The following ADGRF5 variants were observed in gnomAD, a reference collection of about 807,000 sequenced individuals.
ADGRF5 encodes adhesion G protein-coupled receptor F5, also known as G-protein coupled receptor 116.
ADGRF5 carries 75 observed loss-of-function variants against 132.3 expected under a neutral mutation model. The observed-to-expected ratio is 0.57, with a 90% CI of 0.47 to 0.69. The LOEUF is 0.69. Among genes scored for constraint, ADGRF5 ranks in the 30% least tolerant of loss-of-function variants. The probability of loss-of-function intolerance (pLI) is 0.00; values close to 1 mark genes in which losing one functional copy is unlikely to be tolerated. For missense variants in ADGRF5, 1,516 were observed against 1,630.6 expected, an observed-to-expected ratio of 0.93 and a Z score of 1.21; for synonymous variants, 629 against 597.6, an observed-to-expected ratio of 1.05 and a Z score of -0.77.
intron 1 of ADGRF5, among the ~76,000 whole-genome samples, chr6:46,936,528 C>T (rs375114262): frequency 3.7e-4 from 57 of 152,306 alleles, no homozygotes; most frequent in Middle Eastern, 3.4e-3. Context: ...TTTAATCTTT[C>T]GACATCTCTC....
rs116050578 is a variant in ADGRF5 at position 46,934,727 on chromosome 6, C to A, written c.-25+20007G>T. Among the ~76,000 whole-genome samples the A allele has an allele frequency of 3.8e-3, 579 of 152,230 alleles. 2 individuals carry two copies. Among genetic ancestry groups the A allele is most frequent in the African/African-American group, 0.013 (552 of 41,544 alleles). On this transcript the variant is annotated intron_variant, in intron 1 of 20. Transcript: ENST00000265417. ...TTCAGGCAAACTCAACAGTCCCAAA[C>A]CCTTAGAAACTTACTCTTGGAACAA...
At chr6:46,863,338 TC>T (rs771124166) in intron 14 of ADGRF5, 6 of 583,848 alleles carry the variant, frequency 1.0e-5, no homozygotes, top group South Asian at 3.1e-5. Flanking sequence ...TTTTATACCT[TC>T]ATCTGGAGAT....
At chr6:46,889,773 T>C (rs950312527) in intron 3 of ADGRF5, among the ~76,000 whole-genome samples, 13 of 90,608 alleles carry the variant, frequency 1.4e-4, no homozygotes, top group Non-Finnish European at 3.0e-4. Flanking sequence ...ATATATTATG[T>C]GTGTGTGTAT....
In ADGRF5 at chr6:46,884,122, T is replaced by A. The variant is rs770206424; in HGVS notation, c.478A>T (p.Asn160Tyr). Reference protein sequence around the residue: ...HCSCLKELPPNGPFCLLQEDV... With the variant: ...HCSCLKELPPYGPFCLLQEDV... ...TCCTGAAGCAGGCAAAAAGGTCCAT[T>A]GGGAGGCAGTTCTTTAAGGCAACTG... Residue 160 changes from asparagine (N) to tyrosine (Y), a missense_variant, in exon 5 of 21, where the codon AAT becomes TAT. Asn to Tyr is a moderately radical substitution (Grantham distance 143). Transcript: ENST00000283296. The A allele has an allele frequency of 6.2e-7, 1 of 1,614,038 alleles. No homozygotes were observed. The highest frequency in any genetic ancestry group is 8.5e-7 in the Non-Finnish European group (1 of 1,179,938).
In ADGRF5 at chr6:46,871,831, G is replaced by A. The variant is rs1192795635; in HGVS notation, c.1411+12C>T. Reference sequence around the variant, plus strand: ...CCTATTTATGGCTAAAAATGCTAGGGAGAGTCCTTACCCACAGAGATGAAT... The same window carrying A: ...CCTATTTATGGCTAAAAATGCTAGGAAGAGTCCTTACCCACAGAGATGAAT... On this transcript the variant is annotated intron_variant, in intron 11 of 20. Coordinates refer to ENST00000283296, the MANE Select transcript of ADGRF5 (RefSeq NM_001098518.2). 2 of 1,568,978 alleles carry A rather than the reference G, an allele frequency of 1.3e-6. No homozygotes were observed. The highest frequency in any genetic ancestry group is 1.7e-5 in the Admixed American group (1 of 58,590).
At chr6:46,892,088 G>A (rs1344232360) in intron 3 of ADGRF5, among the ~76,000 whole-genome samples, 5 of 150,312 alleles carry the variant, frequency 3.3e-5, no homozygotes, top group Non-Finnish European at 7.4e-5. Context: ...GCTTACTCTC[G>A]GAAATCATCT....
At chr6:46,895,296 A>T (rs1407731553) in intron 3 of ADGRF5, among the ~76,000 whole-genome samples, 1 of 152,108 alleles carries the variant, frequency 6.6e-6, no homozygotes, top group Non-Finnish European at 1.5e-5. Context: ...CACTCCCAAC[A>T]TTAAATGTCA....
intron 2 of ADGRF5, among the ~76,000 whole-genome samples, chr6:46,905,042 G>T (rs900554156): frequency 6.6e-6 from 1 of 152,120 alleles, no homozygotes; most frequent in African/African-American, 2.4e-5. Flanking sequence ...AAGGGGCTTT[G>T]CCAGGGCCAT....
In ADGRF5 at chr6:46,953,687, A is replaced by ATATATATATC. The variant is rs1184260500; in HGVS notation, c.-25+1046_-25+1047insGATATATATA. 1.2e-3 allele frequency among the ~76,000 whole-genome samples: 158 copies of ATATATATATC among 130,240 alleles called. 2 individuals are homozygous for ATATATATATC. Among genetic ancestry groups the ATATATATATC allele is most frequent in the Non-Finnish European group, 2.1e-3 (131 of 61,382 alleles). The allele number at this position is 130,240 out of a possible 152,430, so 85.4% of individuals were successfully genotyped here. On this transcript the variant is annotated intron_variant, in intron 1 of 20. Coordinates refer to the ADGRF5 transcript ENST00000265417. ...TATATATATATATATATATATATAT[A>ATATATATATC]TATCTCACTGACAGTGGCATTATTA...
intron 10 of ADGRF5, among the ~76,000 whole-genome samples, chr6:46,876,108 G>A (rs537915731): frequency 7.9e-5 from 12 of 152,214 alleles, no homozygotes; most frequent in Non-Finnish European, 1.3e-4. Context: ...AAAAATGGTT[G>A]TTAGTAGAAC....
chr6:46,900,114 T>A (rs1314051447), intron 2 of ADGRF5, 31 bp from the exon 3 acceptor site: 2 of 1,555,366 alleles, frequency 1.3e-6, no homozygotes, highest in Non-Finnish European at 1.8e-6. Flanking sequence ...AGTTGTCAAT[T>A]AACGTTAGAG....
At chr6:46,906,850 T>C (rs779474730) in intron 1 of ADGRF5, 64 bp from the exon 2 acceptor site, 58 of 778,056 alleles carry the variant, frequency 7.5e-5, no homozygotes, top group Non-Finnish European at 1.2e-4. Flanking sequence ...GAAAAAGAAC[T>C]CGCAAGCCCT....
At chr6:46,917,253 T>C (rs567487020) in intron 1 of ADGRF5, among the ~76,000 whole-genome samples, 15 of 152,356 alleles carry the variant, frequency 9.8e-5, no homozygotes, top group African/African-American at 3.6e-4. Context: ...CTCTGACCTT[T>C]ATGGCATATT....
chr6:46,854,762 T>TG, intron 20 of ADGRF5: 6 of 1,287,000 alleles, frequency 4.7e-6, no homozygotes, highest in Non-Finnish European at 6.1e-6. Context: ...CGTCATGGCC[T>TG]GGGGGGATCT....
chr6:46,915,558 T>C (rs946005510), intron 1 of ADGRF5, among the ~76,000 whole-genome samples: 3 of 152,146 alleles, frequency 2.0e-5, no homozygotes, highest in African/African-American at 7.2e-5. Context: ...CTTAGCCTTC[T>C]GCACTTCCTC....
At position 46,869,062 on chromosome 6, in the gene ADGRF5, G is replaced by A. The variant is rs1581768186; in HGVS notation, c.1442C>T (p.Ser481Phe). The change falls in exon 12 of 21, where the codon TCT becomes TTT. Residue 481 changes from serine to phenylalanine, a missense_variant. Transcript: ENST00000283296. ...AGAAAAGTTTTGTCCCTCAGAAACAGAAATTGGGTCCGGGGTTATTGTTAG... is the reference window on the plus strand; with the variant it reads ...AGAAAAGTTTTGTCCCTCAGAAACAAAAATTGGGTCCGGGGTTATTGTTAG... ...ANLTITPDPI[S>F]VSEGQNFSIK... The A allele has an allele frequency of 6.2e-7, 1 of 1,614,006 alleles. No homozygotes were observed. Among genetic ancestry groups the A allele is most frequent in the Non-Finnish European group, 8.5e-7 (1 of 1,179,942 alleles).
intron 3 of ADGRF5, among the ~76,000 whole-genome samples, chr6:46,895,557 G>A (rs1353176893): frequency 6.6e-6 from 1 of 151,000 alleles, no homozygotes; most frequent in Non-Finnish European, 1.5e-5. Flanking sequence ...AGCAGCCAGA[G>A]ACCCAATCTG....
chr6:46,945,242 T>G (rs1307199580), intron 1 of ADGRF5, among the ~76,000 whole-genome samples: 1 of 152,160 alleles, frequency 6.6e-6, no homozygotes, highest in African/African-American at 2.4e-5. Flanking sequence ...ATATAGGAAG[T>G]GTTAAGAATT....
intron 1 of ADGRF5, among the ~76,000 whole-genome samples, chr6:46,952,791 A>G (rs1345490400): frequency 1.3e-5 from 2 of 152,242 alleles, no homozygotes; most frequent in Non-Finnish European, 2.9e-5. Context: ...TAGAAGACCA[A>G]TAACTCCTCA....
Sources: allele counts gnomAD v4.1 joint callset (sites outside exome capture counted in the v4.1 genomes callset), GRCh38; gene constraint gnomAD v4.1.1; transcripts MANE v1.5; gene names NCBI Gene and HGNC (gene_info 2026-07-23, HGNC 2026-07-21).